The following RASAL2 variants were observed in gnomAD, a reference collection of about 807,000 sequenced individuals.
RASAL2 encodes RAS protein activator like 2.
Under a neutral mutation model 128.9 loss-of-function variants are expected in RASAL2, and 58 were observed. The observed-to-expected ratio is 0.45, with a 90% confidence interval of 0.36 to 0.56. The LOEUF (loss-of-function observed/expected upper bound fraction) is 0.56. Ranked by LOEUF, RASAL2 falls within the 20% of genes least tolerant of loss-of-function variation. The probability of loss-of-function intolerance (pLI) is 0.00; values close to 1 mark genes in which losing one functional copy is unlikely to be tolerated. For synonymous variants in RASAL2, 561 were observed against 580.8 expected (o/e 0.97, Z 0.49); for missense variants, 1,360 against 1,601.6 (o/e 0.85, Z 2.57).
At chr1:178,242,894 T>C (rs73033455) in intron 1 of RASAL2, among the ~76,000 whole-genome samples, 2,043 of 149,934 alleles carry the variant, frequency 0.014, 47 homozygotes, top group African/African-American at 0.048. Flanking sequence ...GGTTTTTTTC[T>C]TAATTTGTTT....
At chr1:178,393,902 T>C (rs1194749939) in intron 4 of RASAL2, among the ~76,000 whole-genome samples, 1 of 152,236 alleles carries the variant, frequency 6.6e-6, no homozygotes, top group Non-Finnish European at 1.5e-5. Flanking sequence ...ATTCTCTTGG[T>C]ATTACTGATA....
intron 9 of RASAL2, among the ~76,000 whole-genome samples, chr1:178,448,458 T>G (rs1677164324): frequency 6.6e-6 from 1 of 152,230 alleles, no homozygotes; most frequent in African/African-American, 2.4e-5. Flanking sequence ...TACAATTAGT[T>G]TCTGCTCTGA....
In RASAL2 at chr1:178,353,642, A is replaced by G. The variant is rs181875175; in HGVS notation, c.458-36458A>G. 2.0e-5 allele frequency among the ~76,000 whole-genome samples: 3 copies of G among 152,342 alleles called. No individual in the cohort carries two copies. In the East Asian group the frequency reaches 5.8e-4, roughly 29 times the overall value. On this transcript the variant is annotated intron_variant, in intron 3 of 17. Coordinates refer to ENST00000367649, the MANE Select transcript of RASAL2 (RefSeq NM_170692.4). ...CAAAGCTTCTTACATATTTTAAGGT[A>G]TCTTTATAGCAGTGCCCAACTCTTC...
At chr1:178,182,987 A>T (rs1047091510) in intron 1 of RASAL2, among the ~76,000 whole-genome samples, 1 of 152,134 alleles carries the variant, frequency 6.6e-6, no homozygotes, top group Non-Finnish European at 1.5e-5. Flanking sequence ...TTGCAATTGC[A>T]TGAGAATTGA....
chr1:178,301,827 C>T (rs180759684), intron 3 of RASAL2, among the ~76,000 whole-genome samples: 35 of 152,058 alleles, frequency 2.3e-4, no homozygotes, highest in Non-Finnish European at 3.4e-4. Flanking sequence ...ACTATAGTCT[C>T]AAGAATTATT....
intron 1 of RASAL2, among the ~76,000 whole-genome samples, chr1:178,130,565 GT>G (rs1660066631): frequency 6.6e-6 from 1 of 152,176 alleles, no homozygotes; most frequent in Non-Finnish European, 1.5e-5. Flanking sequence ...ATATTGAATA[GT>G]TTATCATACG....
At chr1:178,203,914 A>G (rs1662957128) in intron 1 of RASAL2, among the ~76,000 whole-genome samples, 1 of 152,184 alleles carries the variant, frequency 6.6e-6, no homozygotes. Context: ...CAAGACTACA[A>G]ATGGCCCAGA....
chr1:178,464,500 C>A, intron 15 of RASAL2, 88 bp downstream of exon 15: 2 of 1,485,378 alleles, frequency 1.3e-6, no homozygotes. Flanking sequence ...AAACTCATCC[C>A]ACCCCCATCT....
intron 1 of RASAL2, among the ~76,000 whole-genome samples, chr1:178,222,040 G>A (rs1453512486): frequency 6.6e-6 from 1 of 152,104 alleles, no homozygotes; most frequent in Admixed American, 6.5e-5. Flanking sequence ...CTAGTCTGCT[G>A]TGCTGAAGTT....
chr1:178,288,807 T>C (rs1157830164), intron 2 of RASAL2, among the ~76,000 whole-genome samples: 2 of 151,822 alleles, frequency 1.3e-5, no homozygotes, highest in African/African-American at 2.4e-5. Context: ...TGCGCCACCA[T>C]GCCCAGCTAA....
intron 3 of RASAL2, among the ~76,000 whole-genome samples, chr1:178,304,347 G>A (rs564926300): frequency 1.3e-3 from 198 of 152,116 alleles, no homozygotes; most frequent in Non-Finnish European, 1.9e-3. Context: ...AACATAGTGA[G>A]ACCCTTATCT....
At chr1:178,234,606 A>G (rs1388481508) in intron 1 of RASAL2, among the ~76,000 whole-genome samples, 1 of 152,184 alleles carries the variant, frequency 6.6e-6, no homozygotes, top group East Asian at 1.9e-4. Flanking sequence ...GATTGCCTTA[A>G]AAATGGTTGA....
At chr1:178,268,921 C>T (rs961405922) in intron 1 of RASAL2, among the ~76,000 whole-genome samples, 3 of 152,100 alleles carry the variant, frequency 2.0e-5, no homozygotes, top group Admixed American at 2.0e-4. Flanking sequence ...TTGCTTCTCT[C>T]CTGTATTGGA....
chr1:178,358,449 C>G (rs1670936934), intron 3 of RASAL2, among the ~76,000 whole-genome samples: 1 of 151,966 alleles, frequency 6.6e-6, no homozygotes, highest in Admixed American at 6.6e-5. Context: ...CAAGGACATA[C>G]AAAGAACTGC....
intron 3 of RASAL2, among the ~76,000 whole-genome samples, chr1:178,304,882 C>T (rs936620476): frequency 1.1e-4 from 16 of 152,072 alleles, no homozygotes; most frequent in South Asian, 6.2e-4. Context: ...GCAGATGATA[C>T]GATCTTATAT....
Position 178,294,169 on chromosome 1 carries a change from G to A in RASAL2, c.331-5823G>A, listed in dbSNP as rs537953860. 2.6e-5 allele frequency among the ~76,000 whole-genome samples: 4 copies of A among 152,314 alleles called. No individual in the cohort carries two copies. The South Asian group carries it at 8.3e-4, about 32-fold the overall frequency. On this transcript the variant is annotated intron_variant, in intron 2 of 17. Coordinates refer to ENST00000367649, the MANE Select transcript of RASAL2 (RefSeq NM_170692.4). ...GGAGCTTGCACTAATTTATAGGATA[G>A]TAGTTTTTAAACCCTTTTTAAGCAG... is the stretch of plus-strand genomic sequence containing the variant.
At position 178,477,304 on chromosome 1, in the gene RASAL2, T is replaced by C. The variant is rs775220044; in HGVS notation, c.*4065T>C. 2 of 152,194 alleles carry C rather than the reference T, an allele frequency of 1.3e-5. No homozygotes were observed. Among genetic ancestry groups the C allele is most frequent in the Non-Finnish European group, 2.9e-5 (2 of 68,030 alleles). The allele number at this position is 152,194 out of a possible 1,614,324, so 9.4% of individuals were successfully genotyped here. A position where few individuals can be genotyped will look rare whatever the true frequency, so the allele number is the denominator to read the frequency against. ...ATACTTTGTTTTTTCAATGCGTCAG[T>C]TGAAGGATTTAGTTTCTTAAAAGCA... On this transcript the variant is annotated 3_prime_UTR_variant, in exon 18 of 18. Coordinates refer to ENST00000367649, the MANE Select transcript of RASAL2 (RefSeq NM_170692.4).
intron 5 of RASAL2, among the ~76,000 whole-genome samples, chr1:178,425,123 A>G (rs938516614): frequency 2.0e-5 from 3 of 152,194 alleles, no homozygotes; most frequent in South Asian, 2.1e-4. Context: ...TTAGAGGGCA[A>G]TGGCCTGTGA....
intron 1 of RASAL2, among the ~76,000 whole-genome samples, chr1:178,132,258 T>C (rs574272664): frequency 3.8e-4 from 58 of 151,786 alleles, no homozygotes; most frequent in Non-Finnish European, 6.8e-4. Flanking sequence ...AGTCTCACTA[T>C]GTTGCCAAGG....
Sources: allele counts gnomAD v4.1 joint callset (sites outside exome capture counted in the v4.1 genomes callset), GRCh38; gene constraint gnomAD v4.1.1; transcripts MANE v1.5; gene names NCBI Gene and HGNC (gene_info 2026-07-23, HGNC 2026-07-21).